The following PCDHGA6 variants were observed in gnomAD, a reference collection of about 807,000 sequenced individuals.
PCDHGA6 encodes the protein protocadherin gamma subfamily A, 6, also known as protocadherin gamma-A6.
In PCDHGA6, 41 loss-of-function variants were observed where a neutral mutation model predicts 60.6. The observed-to-expected ratio is 0.68, with a 90% CI of 0.53 to 0.88. The LOEUF is 0.88. PCDHGA6 is among the 40% of genes least tolerant of loss of function. The probability of loss-of-function intolerance (pLI) is 0.00; values close to 1 mark genes in which losing one functional copy is unlikely to be tolerated. For missense variants in PCDHGA6, 1,312 were observed against 1,203.0 expected (o/e 1.09, Z -1.34); for synonymous variants, 594 against 524.4 (o/e 1.13, Z -1.81).
intron 1 of PCDHGA6, chr5:141,414,744 C>T (rs1381345965): frequency 6.2e-7 from 1 of 1,614,210 alleles, no homozygotes; most frequent in Non-Finnish European, 8.5e-7. Context: ...CACTCAGATC[C>T]TTCGACTATG....
At position 141,485,010 on chromosome 5, in the gene PCDHGA6, C is replaced by T; in HGVS notation, c.2425-9797C>T. 1 of 629,958 alleles carries T rather than the reference C, an allele frequency of 1.6e-6. No homozygotes were observed. The highest frequency in any genetic ancestry group is 2.9e-6 in the Non-Finnish European group (1 of 350,608). 39.0% of individuals were successfully genotyped at this position (629,958 alleles called of 1,614,324 possible). On this transcript the variant is annotated intron_variant, in intron 1 of 3. Coordinates refer to ENST00000517434, the MANE Select transcript of PCDHGA6 (RefSeq NM_018919.3). This position sits in a 1 kb window ranked among gnomAD's most constrained non-coding sequence, Gnocchi z 5.7. ...GTGGTGAAAGGCAGACAAATCTACC[C>T]CGCCACCAGCAAAAACGGCGCGTAA...
In PCDHGA6 at chr5:141,487,107, T is replaced by C. The variant is rs1193091014; in HGVS notation, c.2425-7700T>C. 6.2e-7 allele frequency: 1 copy of C among 1,613,926 alleles called. No individual in the cohort carries two copies. The highest frequency in any genetic ancestry group is 8.5e-7 in the Non-Finnish European group (1 of 1,179,782). On this transcript the variant is annotated intron_variant, in intron 1 of 3. Transcript: ENST00000517434. This position sits in a 1 kb window ranked among gnomAD's most constrained non-coding sequence, Gnocchi z 5.0. ...GACCTCCCACCACAGAAGCTGGTCA[T>C]TGTGGTAAAGGATAGTGGTAGTCCA...
chr5:141,391,354 T>C (rs1345659874), intron 1 of PCDHGA6: 3 of 150,784 alleles, frequency 2.0e-5, no homozygotes, highest in Non-Finnish European at 3.0e-5. Flanking sequence ...TGTCTGTTAC[T>C]CAGGCTGTAG....
At chr5:141,479,937 C>G (rs1322238189) in intron 1 of PCDHGA6, among the ~76,000 whole-genome samples, 1 of 152,212 alleles carries the variant, frequency 6.6e-6, no homozygotes, top group African/African-American at 2.4e-5. Context: ...TCATTGCTAT[C>G]AACTCTTGGA....
chr5:141,395,190 A>T (rs769197632), intron 1 of PCDHGA6: 1 of 1,614,028 alleles, frequency 6.2e-7, no homozygotes, highest in East Asian at 2.2e-5. Context: ...TTCTTTGTTA[A>T]CATCCGTAGA....
At position 141,422,880 on chromosome 5, in the gene PCDHGA6, G is replaced by C. The variant is rs970045921; in HGVS notation, c.2424+46373G>C. The C allele has an allele frequency of 7.4e-6, 12 of 1,614,140 alleles. No individual in the cohort carries two copies. In the Admixed American group the frequency reaches 2.0e-4, roughly 27 times the overall value. ...TCAGCAGCAACGTGTCGCTGAGCCT[G>C]TTCGTGCTGGACCAGAACGACAATG... On this transcript the variant is annotated intron_variant, in intron 1 of 3. Coordinates refer to ENST00000517434, the MANE Select transcript of PCDHGA6 (RefSeq NM_018919.3).
chr5:141,413,850 C>G (rs2095685833), intron 1 of PCDHGA6: 3 of 1,613,244 alleles, frequency 1.9e-6, no homozygotes, highest in East Asian at 2.2e-5. Context: ...GTGACCCTCT[C>G]CGATCTGGCA....
At chr5:141,380,965 A>G (rs575114972) in intron 1 of PCDHGA6, among the ~76,000 whole-genome samples, 2 of 152,370 alleles carry the variant, frequency 1.3e-5, no homozygotes, top group Admixed American at 1.3e-4. Context: ...CAAAAGTACT[A>G]TTAAACAAAT....
intron 1 of PCDHGA6, among the ~76,000 whole-genome samples, chr5:141,467,695 T>C (rs1189395935): frequency 6.6e-6 from 1 of 152,142 alleles, no homozygotes; most frequent in Non-Finnish European, 1.5e-5. Flanking sequence ...AGGGTCTGGC[T>C]CTGTTGCCCA....
chr5:141,457,937 G>A (rs916509260), intron 1 of PCDHGA6, among the ~76,000 whole-genome samples: 1 of 152,166 alleles, frequency 6.6e-6, no homozygotes, highest in African/African-American at 2.4e-5. Flanking sequence ...GGCTTTTATT[G>A]GCTCTGCATG....
intron 1 of PCDHGA6, chr5:141,418,998 G>C (rs757681244): frequency 1.9e-6 from 3 of 1,613,940 alleles, no homozygotes; most frequent in South Asian, 1.1e-5. Context: ...GGGGAAAATG[G>C]GGAAGTCAGG....
Position 141,374,648 on chromosome 5 carries a change from C to T in PCDHGA6, c.565C>T (p.Pro189Ser). The stretch of plus-strand genomic sequence containing the variant: ...GGACGTGCAAAGCGAAGCCCATGGG[C>T]CCAAGTACCCGGAGCTGGTGCTGGA... Reference protein sequence around the residue: ...SVDVQSEAHGPKYPELVLEGT... With the variant: ...SVDVQSEAHGSKYPELVLEGT... Residue 189 changes from proline to serine, a missense_variant, in exon 1 of 4, where the codon CCC (proline) becomes TCC (serine). Transcript: ENST00000517434. 5 of 1,612,462 alleles carry T rather than the reference C, an allele frequency of 3.1e-6. No individual in the cohort carries two copies. The highest frequency in any genetic ancestry group is 4.2e-6 in the Non-Finnish European group (5 of 1,179,182).
At chr5:141,403,876 T>A (rs1189942027) in intron 1 of PCDHGA6, 3 of 1,613,702 alleles carry the variant, frequency 1.9e-6, no homozygotes, top group African/African-American at 1.3e-5. Flanking sequence ...AAAGTCTAGA[T>A]TATGAAGAAT....
At chr5:141,502,708 A>G (rs1172090234) in intron 2 of PCDHGA6, among the ~76,000 whole-genome samples, 1 of 152,204 alleles carries the variant, frequency 6.6e-6, no homozygotes, top group Non-Finnish European at 1.5e-5. Flanking sequence ...CTGTTTTTAC[A>G]TCAGTGATTA....
chr5:141,451,993 C>G (rs1235806360), intron 1 of PCDHGA6, among the ~76,000 whole-genome samples: 4 of 152,164 alleles, frequency 2.6e-5, no homozygotes, highest in African/African-American at 7.2e-5. Context: ...TCATTAGAAG[C>G]AAAATCACTT....
At chr5:141,393,579 C>T (rs2092799952) in intron 1 of PCDHGA6, 2 of 1,613,888 alleles carry the variant, frequency 1.2e-6, no homozygotes, top group Non-Finnish European at 1.7e-6. Context: ...TGAGAACATG[C>T]CCCCAGGCAC....
At chr5:141,400,592 G>T in intron 1 of PCDHGA6, 1 of 1,603,196 alleles carries the variant, frequency 6.2e-7, no homozygotes, top group Non-Finnish European at 8.5e-7. Context: ...TGAAACTATC[G>T]TACATTTTCA....
intron 1 of PCDHGA6, among the ~76,000 whole-genome samples, chr5:141,460,983 GTA>G (rs59296681): frequency 1.2e-4 from 16 of 137,836 alleles, no homozygotes; most frequent in East Asian, 2.1e-4. Context: ...GTGTGTGTGT[GTA>G]TATATATATA....
chr5:141,454,546 A>G (rs1342532359), intron 1 of PCDHGA6, among the ~76,000 whole-genome samples: 1 of 152,098 alleles, frequency 6.6e-6, no homozygotes, highest in African/African-American at 2.4e-5. Flanking sequence ...AGCTGAGATT[A>G]CAGGCATGTG....
Sources: gnomAD v4.1 joint callset for allele counts (sites outside exome capture counted in the v4.1 genomes callset) on GRCh38, gnomAD v4.1.1 for gene constraint, Gnocchi (gnomAD v3.1) non-coding constraint, MANE v1.5 for transcripts, NCBI Gene and HGNC (gene_info 2026-07-23, HGNC 2026-07-21) for gene names.